The following KPNA6 variants were observed in gnomAD, a reference collection of about 807,000 sequenced individuals.
KPNA6 encodes importin subunit alpha-7.
Under a neutral mutation model 72.0 loss-of-function variants are expected in KPNA6, and 9 were observed. The observed-to-expected ratio is 0.13, with a 90% CI of 0.08 to 0.22. The LOEUF (loss-of-function observed/expected upper bound fraction) is 0.22. KPNA6 is among the 10% of genes least tolerant of loss of function. KPNA6 has a pLI of 1.00. For synonymous variants in KPNA6, 219 were observed against 242.1 expected, an observed-to-expected ratio of 0.90 and a Z score of 0.89; for missense variants, 374 against 655.7, an observed-to-expected ratio of 0.57 and a Z score of 4.69.
chr1:32,139,386 C>T (rs550215444), intron 1 of KPNA6, among the ~76,000 whole-genome samples: 4 of 152,204 alleles, frequency 2.6e-5, no homozygotes, highest in Admixed American at 2.0e-4. Flanking sequence ...AGTGCAAAGG[C>T]TATGTAGTAG....
chr1:32,147,277 G>C (rs1480460269), intron 1 of KPNA6, among the ~76,000 whole-genome samples: 1 of 152,058 alleles, frequency 6.6e-6, no homozygotes, highest in Non-Finnish European at 1.5e-5. Flanking sequence ...TTTTCTTTCA[G>C]CACTTTGCTT....
chr1:32,129,957 G>A (rs59807012), intron 1 of KPNA6, among the ~76,000 whole-genome samples: 14,136 of 152,084 alleles, frequency 0.093, 864 homozygotes, highest in South Asian at 0.25. Context: ...TGGAAACATT[G>A]GCTGTCATGG....
At chr1:32,163,341 A>G (rs1642276821) in intron 10 of KPNA6, 28 bp downstream of exon 10, 1 of 1,542,010 alleles carries the variant, frequency 6.5e-7, no homozygotes, top group African/African-American at 1.4e-5. Flanking sequence ...GCAGGATCTT[A>G]GACCAGCTAT....
intron 1 of KPNA6, among the ~76,000 whole-genome samples, chr1:32,133,097 A>G (rs1641669755): frequency 6.6e-6 from 1 of 151,926 alleles, no homozygotes; most frequent in African/African-American, 2.4e-5. Context: ...TAATCCCAGC[A>G]CTCTGGGAGG....
rs997911849 is a variant in KPNA6 at position 32,148,650 on chromosome 1, C to T, written c.5-5938C>T. Among the ~76,000 whole-genome samples the T allele has an allele frequency of 4.6e-5, 7 of 150,778 alleles. No individual in the cohort carries two copies. In the South Asian group the frequency reaches 1.3e-3, roughly 27 times the overall value. ...TCGGCTCACTGCAACCTCCACCTCC[C>T]GGGTTCAAGCAATTCTCCTGCCTCA... On this transcript the variant is annotated intron_variant, in intron 1 of 13. Transcript: ENST00000373625.
At position 32,157,388 on chromosome 1, in the gene KPNA6, G is replaced by A. The variant is rs1249386417; in HGVS notation, c.274G>A (p.Asp92Asn). Residue 92 changes from aspartate to asparagine, a missense_variant, in exon 4 of 14, where the codon GAT becomes AAT. Physicochemically the swap from Asp to Asn is conservative, Grantham distance 23. Around this residue, in one of 3 missense-constraint regions of KPNA6, gnomAD observed 298 missense variants for 495.4 expected, o/e 0.60. Coordinates refer to ENST00000373625, the MANE Select transcript of KPNA6 (RefSeq NM_012316.5). ...TREMVEMLFS[D>N]DSDLQLATTQ... ...AGAGATGGTGGAGATGCTCTTTTCT[G>A]ATGATTCTGACCTGCAGTTAGCAAC... 2 of 1,614,004 alleles carry A rather than the reference G, an allele frequency of 1.2e-6. No homozygotes were observed. The highest frequency in any genetic ancestry group is 3.3e-5 in the Admixed American group (2 of 60,010).
chr1:32,147,233 A>G (rs1641944331), intron 1 of KPNA6, among the ~76,000 whole-genome samples: 1 of 152,164 alleles, frequency 6.6e-6, no homozygotes, highest in African/African-American at 2.4e-5. Flanking sequence ...TTTGAAGGAC[A>G]GTTTTGTCAG....
chr1:32,128,107 T>C (rs1641565698), intron 1 of KPNA6, among the ~76,000 whole-genome samples: 1 of 152,034 alleles, frequency 6.6e-6, no homozygotes, highest in South Asian at 2.1e-4. Flanking sequence ...CTAGTGGTAG[T>C]GGCAGTGAAG....
In KPNA6 at chr1:32,173,513, G is replaced by A. The variant is rs1001060303; in HGVS notation, c.*2619G>A. ...CTAATCAGAGAAAAGTGGCCTCCAG[G>A]AGCTTTCATTTATGTCTTCTCCAGA... On this transcript the variant is annotated 3_prime_UTR_variant, in exon 14 of 14. Coordinates refer to ENST00000373625, the MANE Select transcript of KPNA6 (RefSeq NM_012316.5). The A allele has an allele frequency of 1.8e-5, 3 of 164,660 alleles. No individual in the cohort carries two copies. The highest frequency in any genetic ancestry group is 7.1e-5 in the African/African-American group (3 of 41,990). The allele number at this position is 164,660 out of a possible 1,614,324, so 10.2% of individuals were successfully genotyped here. A position where few individuals can be genotyped will look rare whatever the true frequency, so the allele number is the denominator to read the frequency against.
chr1:32,147,650 C>CTTTTTTTT (rs915571659), intron 1 of KPNA6, among the ~76,000 whole-genome samples: 6 of 81,866 alleles, frequency 7.3e-5, no homozygotes, highest in East Asian at 4.1e-4. Context: ...GATTTCTTTT[C>CTTTTTTTT]TTTTTTTTTT....
chr1:32,172,885 C>G lies in KPNA6; in HGVS notation c.*1991C>G. Reference sequence around the variant, plus strand: ...TGGCTCAGGTGAAATCCATGCCCTTCTGCTTATAGACCTAAAGTTCAGGTA... The same window carrying G: ...TGGCTCAGGTGAAATCCATGCCCTTGTGCTTATAGACCTAAAGTTCAGGTA... On this transcript the variant is annotated 3_prime_UTR_variant, in exon 14 of 14. Transcript: ENST00000373625. 1 of 391,044 alleles carries G rather than the reference C, an allele frequency of 2.6e-6. No individual in the cohort carries two copies. The highest frequency in any genetic ancestry group is 4.5e-6 in the Non-Finnish European group (1 of 221,998). The allele number at this position is 391,044 out of a possible 1,614,324, so 24.2% of individuals were successfully genotyped here. A position where few individuals can be genotyped will look rare whatever the true frequency, so the allele number is the denominator to read the frequency against.
intron 10 of KPNA6, among the ~76,000 whole-genome samples, chr1:32,164,431 T>C (rs1157353809): frequency 6.6e-6 from 1 of 152,232 alleles, no homozygotes; most frequent in African/African-American, 2.4e-5. Context: ...ATTTTATGCC[T>C]AATTTTTTTG....
chr1:32,155,915 A>ATTTTTTTT (rs747284319), intron 2 of KPNA6, among the ~76,000 whole-genome samples: 27 of 105,042 alleles, frequency 2.6e-4, no homozygotes, highest in East Asian at 8.8e-4. Context: ...ATTTTTGTGG[A>ATTTTTTTT]TTTTTTTTTT....
At chr1:32,121,117 TCTG>T (rs1235463621) in intron 1 of KPNA6, among the ~76,000 whole-genome samples, 1 of 152,200 alleles carries the variant, frequency 6.6e-6, no homozygotes, top group African/African-American at 2.4e-5. Context: ...CCTCAAGTGA[TCTG>T]CCTCCCTCGG....
intron 1 of KPNA6, among the ~76,000 whole-genome samples, chr1:32,142,060 G>A (rs1261581353): frequency 6.6e-6 from 1 of 151,958 alleles, no homozygotes; most frequent in Non-Finnish European, 1.5e-5. Flanking sequence ...CGGAGTTTGA[G>A]ACCAGCCTCA....
chr1:32,115,267 C>T (rs1641310180), intron 1 of KPNA6, among the ~76,000 whole-genome samples: 1 of 152,008 alleles, frequency 6.6e-6, no homozygotes, highest in African/African-American at 2.4e-5. Flanking sequence ...TCCCGAGTAG[C>T]TGGGACCACA....
chr1:32,131,849 A>G (rs778020977), intron 1 of KPNA6, among the ~76,000 whole-genome samples: 3 of 151,816 alleles, frequency 2.0e-5, no homozygotes, highest in South Asian at 2.1e-4. Context: ...CTGTCTCCCT[A>G]TCAGGGAATC....
At chr1:32,152,762 G>C (rs780177630) in intron 1 of KPNA6, among the ~76,000 whole-genome samples, 6 of 151,678 alleles carry the variant, frequency 4.0e-5, no homozygotes, top group Admixed American at 2.6e-4. Context: ...GGAAAATGGC[G>C]TGAACCCAGG....
intron 1 of KPNA6, among the ~76,000 whole-genome samples, chr1:32,150,256 C>G (rs1297171750): frequency 3.3e-5 from 5 of 151,182 alleles, no homozygotes; most frequent in East Asian, 1.9e-4. Context: ...CCTCAGCCTC[C>G]CGAGTAGCTG....
Sources: gnomAD v4.1 joint callset for allele counts (sites outside exome capture counted in the v4.1 genomes callset) on GRCh38, gnomAD v4.1.1 for gene constraint, gnomAD v4.1.1 regional missense constraint, MANE v1.5 for transcripts, NCBI Gene and HGNC (gene_info 2026-07-23, HGNC 2026-07-21) for gene names.